VPS13D: variants seen among roughly 807,000 people sequenced by gnomAD.
VPS13D encodes intermembrane lipid transfer protein VPS13D.
VPS13D carries 187 observed loss-of-function variants against 461.9 expected under a neutral mutation model. The observed-to-expected ratio is 0.40, with a 90% confidence interval of 0.36 to 0.46. The LOEUF (loss-of-function observed/expected upper bound fraction) is 0.46, where lower values mean the gene tolerates loss of function less well. VPS13D is among the 20% of genes least tolerant of loss of function. The probability of loss-of-function intolerance (pLI) is 0.60; values close to 1 mark genes in which losing one functional copy is unlikely to be tolerated. For missense variants in VPS13D, 4,711 were observed against 5,364.9 expected (o/e 0.88, Z 3.81); for synonymous variants, 1,951 against 1,986.3 (o/e 0.98, Z 0.47).
At chr1:12,479,885 A>G (rs1429109813) in intron 67 of VPS13D, among the ~76,000 whole-genome samples, 2 of 152,208 alleles carry the variant, frequency 1.3e-5, no homozygotes, top group African/African-American at 4.8e-5. Context: ...CACAATGCGA[A>G]TGAAGGGTAT....
chr1:12,256,131 C>A, intron 7 of VPS13D: 1 of 490,242 alleles, frequency 2.0e-6, no homozygotes, highest in Non-Finnish European at 3.5e-6. Flanking sequence ...GGGTTCAAGA[C>A]CAGACAGGGC....
intron 5 of VPS13D, among the ~76,000 whole-genome samples, chr1:12,247,342 G>A (rs186012641): frequency 1.3e-5 from 2 of 151,656 alleles, no homozygotes; most frequent in African/African-American, 4.8e-5. Flanking sequence ...GCTTGAACCC[G>A]GGAGACGGAG....
chr1:12,343,792 CAT>C (rs762311933), intron 42 of VPS13D, among the ~76,000 whole-genome samples: 2 of 152,234 alleles, frequency 1.3e-5, no homozygotes, highest in Non-Finnish European at 2.9e-5. Flanking sequence ...TTGGTGGAAA[CAT>C]AGACATATCA....
In VPS13D at chr1:12,261,157, G is replaced by A. The variant is rs1569720237; in HGVS notation, c.1414+8G>A. The A allele has an allele frequency of 6.2e-7, 1 of 1,614,074 alleles. No individual in the cohort carries two copies. ...TTCCTGAAGAGATCCTGGGTACGGT[G>A]GGAGCTGGCCTTCACTTGATTCAAA... On this transcript the variant is annotated splice_region_variant and intron_variant, in intron 12 of 69. Coordinates refer to ENST00000620676, the MANE Select transcript of VPS13D (RefSeq NM_015378.4).
Position 12,509,023 on chromosome 1 carries a change from G to A in VPS13D, c.13166G>A (p.Ter4389=). The A allele has an allele frequency of 6.2e-7, 1 of 1,614,000 alleles. No homozygotes were observed. The highest frequency in any genetic ancestry group is 1.3e-5 in the African/African-American group (1 of 75,042). Reference sequence around the variant, plus strand: ...CGAGAGCAGCTGGAGCTGGACTCCTGAAGCCCCGCTGCTGAGATGGGCGCT... The same window carrying A: ...CGAGAGCAGCTGGAGCTGGACTCCTAAAGCCCCGCTGCTGAGATGGGCGCT... The part of the protein sequence containing the change: ...ENREQLELDS[*] Residue 4389 remains the stop codon, a stop_retained_variant, in exon 70 of 70, where the codon TGA becomes TAA. Coordinates refer to ENST00000620676, the MANE Select transcript of VPS13D (RefSeq NM_015378.4).
chr1:12,301,813 T>C (rs1215089519), intron 25 of VPS13D, among the ~76,000 whole-genome samples: 2 of 152,190 alleles, frequency 1.3e-5, no homozygotes, highest in South Asian at 2.1e-4. Flanking sequence ...CCACCAGTTA[T>C]CTCGTTAACA....
Position 12,333,404 on chromosome 1 carries a change from C to T in VPS13D, c.8428+38C>T. 1.9e-6 allele frequency: 3 copies of T among 1,608,408 alleles called. No individual in the cohort carries two copies. In the South Asian group the frequency reaches 3.3e-5, roughly 18 times the overall value. ...TTGTCTTTCATAGACTGATACCTTT[C>T]CGTACCTAAGTTCTGAGTCTGGAAG... On this transcript the variant is annotated intron_variant, in intron 38 of 69. Coordinates refer to ENST00000620676, the MANE Select transcript of VPS13D (RefSeq NM_015378.4).
chr1:12,433,999 A>G (rs1645028962), intron 65 of VPS13D, among the ~76,000 whole-genome samples: 2 of 150,698 alleles, frequency 1.3e-5, no homozygotes, highest in African/African-American at 4.9e-5. Context: ...AGAAGTTTGA[A>G]GTGCATTCCC....
chr1:12,467,140 A>G (rs1645495306), intron 67 of VPS13D, among the ~76,000 whole-genome samples: 1 of 152,124 alleles, frequency 6.6e-6, no homozygotes, highest in Non-Finnish European at 1.5e-5. Context: ...TTGGCTCTGA[A>G]ATTAAGCTGA....
At chr1:12,386,141 T>C in intron 59 of VPS13D, 44 bp from the exon 60 acceptor site, 1 of 1,578,226 alleles carries the variant, frequency 6.3e-7, no homozygotes, top group South Asian at 1.2e-5. Context: ...TACTGTGAGC[T>C]GTGTTTAAAA....
chr1:12,389,624 A>G (rs1165682126), intron 60 of VPS13D, among the ~76,000 whole-genome samples: 1 of 152,236 alleles, frequency 6.6e-6, no homozygotes, highest in Non-Finnish European at 1.5e-5. Context: ...ACTCATGACA[A>G]TTGCAGTCCT....
At chr1:12,386,385 C>T (rs1452904344) in intron 60 of VPS13D, 51 bp downstream of exon 60, 1 of 1,530,228 alleles carries the variant, frequency 6.5e-7, no homozygotes, top group Non-Finnish European at 8.8e-7. Flanking sequence ...ATGCTGATCA[C>T]CCAACCAGAT....
intron 37 of VPS13D, among the ~76,000 whole-genome samples, chr1:12,332,098 A>G (rs1317574344): frequency 2.0e-5 from 3 of 152,242 alleles, no homozygotes; most frequent in Non-Finnish European, 2.9e-5. Context: ...AGTACTTGCT[A>G]TTAGAACTAT....
chr1:12,361,987 C>T (rs900743978), intron 50 of VPS13D, among the ~76,000 whole-genome samples: 4 of 152,148 alleles, frequency 2.6e-5, no homozygotes, highest in African/African-American at 9.7e-5. Flanking sequence ...CTCAGCCTCC[C>T]GAGTAGCTGA....
At chr1:12,508,382 T>A (rs1448380605) in intron 69 of VPS13D, among the ~76,000 whole-genome samples, 1 of 151,296 alleles carries the variant, frequency 6.6e-6, no homozygotes, top group Non-Finnish European at 1.5e-5. Flanking sequence ...GTCAGGTGAG[T>A]ATGGGTTGGC....
rs200096106 is a variant in VPS13D, at chr1:12,338,240, T to G, written c.8561T>G (p.Leu2854Arg). ...DPPCFGQSLP[L>R]VYLRTRSTAS... ...CTCTCCTGTCTACCAGGCCTCCCCC[T>G]TGTCTACCTTAGAACTAGGAGTACA... is the stretch of plus-strand genomic sequence containing the variant. The change falls in exon 40 of 70, where the codon CTT becomes CGT. Residue 2854 changes from leucine to arginine, a missense_variant. By Grantham distance (102) the Leu-to-Arg change is moderately radical. Transcript: ENST00000620676. The G allele has an allele frequency of 7.9e-5, 128 of 1,613,572 alleles. 1 individual carries two copies. In the East Asian group the frequency reaches 2.7e-3, roughly 34 times the overall value.
At chr1:12,456,817 T>C (rs574860686) in intron 66 of VPS13D, among the ~76,000 whole-genome samples, 1 of 152,336 alleles carries the variant, frequency 6.6e-6, no homozygotes, top group African/African-American at 2.4e-5. Context: ...TTTCGTTCTC[T>C]GGCTTCTGTT....
At chr1:12,352,713 C>G (rs986075802) in intron 46 of VPS13D, among the ~76,000 whole-genome samples, 1 of 152,034 alleles carries the variant, frequency 6.6e-6, no homozygotes, top group East Asian at 1.9e-4. Context: ...ACCTGTAATC[C>G]CAGCACTTTG....
rs1326607732 is a variant in VPS13D, at chr1:12,369,648, G to A, written c.10754G>A (p.Arg3585Gln). 2 of 1,613,980 alleles carry A rather than the reference G, an allele frequency of 1.2e-6. No individual in the cohort carries two copies. Among genetic ancestry groups the A allele is most frequent in the South Asian group, 1.1e-5 (1 of 91,078 alleles). Residue 3585 changes from arginine (R) to glutamine (Q), a missense_variant, in exon 54 of 70, where the codon CGG becomes CAG. This residue lies in a region of VPS13D where 4,411 missense variants were observed against 4,937.8 expected (regional missense o/e 0.89). Transcript: ENST00000620676. ...NCNMNDFQDN[R>Q]QLYYENFIYI... ...AACATGAATGATTTCCAGGATAATCGGCAGCTTTATTATGAAAATTTCATT... is the reference window on the plus strand; with the variant it reads ...AACATGAATGATTTCCAGGATAATCAGCAGCTTTATTATGAAAATTTCATT...
Sources: gnomAD v4.1 joint callset for allele counts (sites outside exome capture counted in the v4.1 genomes callset) on GRCh38, gnomAD v4.1.1 for gene constraint, gnomAD v4.1.1 regional missense constraint, MANE v1.5 for transcripts, NCBI Gene and HGNC (gene_info 2026-07-23, HGNC 2026-07-21) for gene names.